MYRIP: variants seen among roughly 807,000 people sequenced by gnomAD.
MYRIP encodes myosin VIIA and Rab interacting protein, also known as rab effector MyRIP.
Under a neutral mutation model 98.0 loss-of-function variants are expected in MYRIP, and 49 were observed. The ratio of observed to expected loss-of-function variants is 0.50; its 90% CI spans 0.40 to 0.63. MYRIP has a LOEUF of 0.63. Ranked by LOEUF, MYRIP falls within the 30% of genes least tolerant of loss-of-function variation. MYRIP has a pLI of 0.00. For synonymous variants in MYRIP, 404 were observed against 409.5 expected (o/e 0.99, Z 0.16); for missense variants, 1,004 against 1,058.2 (o/e 0.95, Z 0.71).
At chr3:40,068,001 C>T (rs1439772227) in intron 3 of MYRIP, among the ~76,000 whole-genome samples, 1 of 152,212 alleles carries the variant, frequency 6.6e-6, no homozygotes, top group East Asian at 1.9e-4. Flanking sequence ...ATTTAATAGT[C>T]TATCATGATA....
chr3:39,890,806 G>A (rs1943466349), intron 1 of MYRIP, among the ~76,000 whole-genome samples: 3 of 152,036 alleles, frequency 2.0e-5, no homozygotes, highest in South Asian at 4.1e-4. Context: ...TATAATTGTC[G>A]CTATTTCTTT....
At chr3:39,916,855 G>A (rs879383542) in intron 2 of MYRIP, among the ~76,000 whole-genome samples, 6 of 151,894 alleles carry the variant, frequency 4.0e-5, no homozygotes, top group Non-Finnish European at 5.9e-5. Context: ...AAACAATAAA[G>A]TAACTCCTAT....
rs371785374 is a variant in MYRIP at position 39,822,828 on chromosome 3, C to G, written c.-31+12912C>G. On this transcript the variant is annotated intron_variant, in intron 1 of 16. Transcript: ENST00000302541. ...CTTATTTCACCTAATGTGATGTCCTCCAGTTCCATTCATGTTTCCACAAAT... is the reference window on the plus strand; with the variant it reads ...CTTATTTCACCTAATGTGATGTCCTGCAGTTCCATTCATGTTTCCACAAAT... 5.9e-5 allele frequency among the ~76,000 whole-genome samples: 9 copies of G among 151,460 alleles called. No homozygotes were observed. In the East Asian group the frequency reaches 1.6e-3, roughly 26 times the overall value.
intron 1 of MYRIP, among the ~76,000 whole-genome samples, chr3:39,827,880 T>A (rs996111659): frequency 1.3e-5 from 2 of 151,422 alleles, no homozygotes; most frequent in African/African-American, 4.9e-5. Context: ...GATTGGCAGT[T>A]TTTTTTTCTT....
intron 11 of MYRIP, among the ~76,000 whole-genome samples, chr3:40,213,277 C>T (rs867160722): frequency 6.6e-6 from 1 of 152,218 alleles, no homozygotes; most frequent in Admixed American, 6.5e-5. Context: ...TGGGGATAAT[C>T]ATAACCCCTT....
chr3:40,217,502 A>C (rs534402699), intron 11 of MYRIP, among the ~76,000 whole-genome samples: 9 of 152,304 alleles, frequency 5.9e-5, no homozygotes, highest in Admixed American at 5.9e-4. Flanking sequence ...TCTTAGCTTG[A>C]TGTTTGACAT....
chr3:40,095,549 G>C (rs1272906128), intron 3 of MYRIP, among the ~76,000 whole-genome samples: 2 of 152,264 alleles, frequency 1.3e-5, no homozygotes, highest in East Asian at 3.9e-4. Context: ...CATGGGGGGA[G>C]AATTTCCCGA....
intron 10 of MYRIP, 140 bp downstream of exon 10, chr3:40,190,603 A>G: frequency 7.2e-7 from 1 of 1,383,998 alleles, no homozygotes. Context: ...TAAGTAGCTG[A>G]GTGCCTCTAG....
chr3:39,828,155 A>G (rs887694854), intron 1 of MYRIP, among the ~76,000 whole-genome samples: 5 of 151,968 alleles, frequency 3.3e-5, no homozygotes, highest in Non-Finnish European at 5.9e-5. Flanking sequence ...GTTTTCAGCT[A>G]TTATTTTATT....
At chr3:40,165,044 G>T (rs912690611) in intron 5 of MYRIP, among the ~76,000 whole-genome samples, 2 of 152,216 alleles carry the variant, frequency 1.3e-5, no homozygotes, top group African/African-American at 4.8e-5. Context: ...ACAAAAATTT[G>T]TAGATCTTTT....
chr3:40,118,462 G>A (rs926987952), intron 3 of MYRIP, among the ~76,000 whole-genome samples: 1 of 152,052 alleles, frequency 6.6e-6, no homozygotes, highest in Admixed American at 6.5e-5. Flanking sequence ...AATCAATAGG[G>A]CACAGGTTAA....
intron 10 of MYRIP, among the ~76,000 whole-genome samples, chr3:40,201,369 G>T (rs1457455742): frequency 6.6e-6 from 1 of 152,124 alleles, no homozygotes; most frequent in African/African-American, 2.4e-5. Context: ...GGAGGTTTTG[G>T]TTCCTAGAGT....
At chr3:40,058,589 G>A (rs1947932630) in intron 3 of MYRIP, among the ~76,000 whole-genome samples, 1 of 152,114 alleles carries the variant, frequency 6.6e-6, no homozygotes, top group African/African-American at 2.4e-5. Flanking sequence ...TTAAGAATGA[G>A]ATTACAAATA....
intron 10 of MYRIP, among the ~76,000 whole-genome samples, chr3:40,202,177 A>T (rs1288096931): frequency 6.6e-6 from 1 of 152,220 alleles, no homozygotes; most frequent in Non-Finnish European, 1.5e-5. Context: ...GAGGAGAGCC[A>T]CCAGGACATA....
At chr3:39,837,080 G>A (rs750428046) in intron 1 of MYRIP, among the ~76,000 whole-genome samples, 1 of 152,162 alleles carries the variant, frequency 6.6e-6, no homozygotes, top group East Asian at 1.9e-4. Flanking sequence ...TTCCAAAAAG[G>A]TTTGTGACTA....
intron 3 of MYRIP, among the ~76,000 whole-genome samples, chr3:40,089,888 T>C (rs144521787): frequency 2.6e-5 from 4 of 152,262 alleles, no homozygotes; most frequent in Admixed American, 1.3e-4. Flanking sequence ...ATGTGGATAA[T>C]GCAAAAGCCT....
At chr3:40,159,058 G>C (rs1320829212) in intron 4 of MYRIP, among the ~76,000 whole-genome samples, 1 of 151,564 alleles carries the variant, frequency 6.6e-6, no homozygotes, top group Non-Finnish European at 1.5e-5. Flanking sequence ...TGGTTATTTT[G>C]CTCGTTAGTT....
At chr3:40,006,116 A>G (rs1178313546) in intron 2 of MYRIP, among the ~76,000 whole-genome samples, 2 of 152,244 alleles carry the variant, frequency 1.3e-5, no homozygotes, top group Non-Finnish European at 2.9e-5. Context: ...ATATGGTTAA[A>G]GAATCAGATG....
At chr3:39,912,435 C>T (rs748145522) in intron 2 of MYRIP, among the ~76,000 whole-genome samples, 2 of 152,198 alleles carry the variant, frequency 1.3e-5, no homozygotes, top group Non-Finnish European at 2.9e-5. Context: ...CAAAGTCTTC[C>T]ACTGATGTTG....
Sources: gnomAD v4.1 joint callset for allele counts (sites outside exome capture counted in the v4.1 genomes callset) on GRCh38, gnomAD v4.1.1 for gene constraint, MANE v1.5 for transcripts, NCBI Gene and HGNC (gene_info 2026-07-23, HGNC 2026-07-21) for gene names.